Variants in AQP7B observed in about 807,000 individuals in gnomAD.
AQP7B encodes aquaporin 7B, also known as putative aquaporin-7B.
At chr2:94,602,375 C>G in the AQP7B span, 1 of 1,094,326 alleles carries the variant, frequency 9.1e-7, no homozygotes, top group Non-Finnish European at 1.3e-6. Flanking sequence ...GAGGGTCTTC[C>G]AGGCAATGCC....
chr2:94,593,363 C>T, the AQP7B span, among the ~76,000 whole-genome samples: 1 of 151,536 alleles, frequency 6.6e-6, no homozygotes, highest in African/African-American at 2.4e-5. Context: ...ACGTGATGTG[C>T]AAGGATGGGC....
At chr2:94,599,811 TC>T in the AQP7B span, among the ~76,000 whole-genome samples, 2 of 151,732 alleles carry the variant, frequency 1.3e-5, no homozygotes, top group African/African-American at 4.8e-5. Context: ...TGTTCTCTCT[TC>T]CCCGCTCCTC....
At chr2:94,590,387 C>G in the AQP7B span, among the ~76,000 whole-genome samples, 2 of 151,988 alleles carry the variant, frequency 1.3e-5, no homozygotes, top group Non-Finnish European at 2.9e-5. Flanking sequence ...GGGGTTCTGC[C>G]ATGTTGGCCA....
At chr2:94,601,306 T>C in the AQP7B span, among the ~76,000 whole-genome samples, 6 of 152,158 alleles carry the variant, frequency 3.9e-5, no homozygotes, top group African/African-American at 1.4e-4. Context: ...CCAACGGGGA[T>C]GGGGAACATA....
At chr2:94,599,767 CT>C in the AQP7B span, among the ~76,000 whole-genome samples, 2 of 152,172 alleles carry the variant, frequency 1.3e-5, no homozygotes, top group Non-Finnish European at 2.9e-5. Context: ...TGAAACATCC[CT>C]CCCTTCACCC....
chr2:94,602,758 C>A, the AQP7B span: 3 of 928,708 alleles, frequency 3.2e-6, no homozygotes, highest in Admixed American at 2.7e-5. Context: ...CCTCTGAACC[C>A]CGTGCCTATG....
At chr2:94,593,402 A>G in the AQP7B span, among the ~76,000 whole-genome samples, 25 of 151,406 alleles carry the variant, frequency 1.7e-4, no homozygotes, top group African/African-American at 6.1e-4. Flanking sequence ...GGCTGGTGTC[A>G]GCTTCCGGGC....
chr2:94,603,383 C>T, the AQP7B span: 10 of 1,603,310 alleles, frequency 6.2e-6, no homozygotes, highest in African/African-American at 1.3e-5. Flanking sequence ...GTCTCCGCAG[C>T]GGCCATTCTC....
the AQP7B span, chr2:94,603,832 T>A: frequency 2.7e-6 from 4 of 1,472,280 alleles, no homozygotes; most frequent in South Asian, 4.6e-5. Flanking sequence ...CATCAGGGTG[T>A]CCCATGGCAT....
At chr2:94,593,969 A>T in the AQP7B span, among the ~76,000 whole-genome samples, 6 of 152,302 alleles carry the variant, frequency 3.9e-5, no homozygotes, top group African/African-American at 1.4e-4. Flanking sequence ...CTGAGGATCT[A>T]GTTGAGAGTA....
At chr2:94,603,344 G>T in the AQP7B span, 13 of 1,573,774 alleles carry the variant, frequency 8.3e-6, no homozygotes, top group South Asian at 9.3e-5. Flanking sequence ...GTGGGGCTTA[G>T]TTGGGGGCAG....
the AQP7B span, chr2:94,603,082 G>C: frequency 1.3e-6 from 2 of 1,592,730 alleles, no homozygotes; most frequent in Non-Finnish European, 1.7e-6. Flanking sequence ...TGTGCGCTGG[G>C]CCGCGTGCCC....
the AQP7B span, among the ~76,000 whole-genome samples, chr2:94,591,441 C>T: frequency 6.6e-6 from 1 of 152,192 alleles, no homozygotes. Flanking sequence ...ATTGGCACTG[C>T]CATCTCTGTG....
chr2:94,603,730 C>T, the AQP7B span: 2 of 1,508,252 alleles, frequency 1.3e-6, no homozygotes, highest in South Asian at 1.3e-5. Flanking sequence ...GACCAGGATG[C>T]TCCAGCTGTG....
the AQP7B span, among the ~76,000 whole-genome samples, chr2:94,599,618 C>A: frequency 2.6e-5 from 4 of 152,208 alleles, no homozygotes; most frequent in Non-Finnish European, 5.9e-5. Flanking sequence ...CTGGAGGACC[C>A]CTCCACTTCT....
chr2:94,597,719 C>A, the AQP7B span, among the ~76,000 whole-genome samples: 8 of 150,262 alleles, frequency 5.3e-5, no homozygotes, highest in East Asian at 1.6e-3. Flanking sequence ...ATTCTTGCAT[C>A]TCAGCCTCTG....
chr2:94,603,549 G>A, the AQP7B span: 6 of 1,559,436 alleles, frequency 3.8e-6, no homozygotes, highest in Non-Finnish European at 5.2e-6. Context: ...CCACCCCTCA[G>A]GACAGAGCCA....
the AQP7B span, among the ~76,000 whole-genome samples, chr2:94,591,709 A>G: frequency 6.6e-6 from 1 of 152,060 alleles, no homozygotes; most frequent in South Asian, 2.1e-4. Flanking sequence ...TGCACATTGG[A>G]TACTGCCTTA....
At chr2:94,592,812 C>CTTTT in the AQP7B span, among the ~76,000 whole-genome samples, 12 of 51,710 alleles carry the variant, frequency 2.3e-4, no homozygotes, top group Non-Finnish European at 2.4e-4. Flanking sequence ...ATTAATTAAG[C>CTTTT]TTTTTTTTTT....
Sources: allele counts gnomAD v4.1 joint callset (sites outside exome capture counted in the v4.1 genomes callset), GRCh38; gene constraint gnomAD v4.1.1; transcripts MANE v1.5; gene names NCBI Gene and HGNC (gene_info 2026-07-23, HGNC 2026-07-21).